Variants in PPP1R1C observed in about 807,000 individuals in gnomAD.
PPP1R1C encodes the protein protein phosphatase 1 regulatory subunit 1C.
In PPP1R1C, 15 loss-of-function variants were observed where a neutral mutation model predicts 17.4. The ratio of observed to expected loss-of-function variants is 0.86; its 90% confidence interval spans 0.58 to 1.33. The LOEUF is 1.33. PPP1R1C is among the 40% of genes most tolerant of loss of function. The pLI, the probability that PPP1R1C is intolerant of heterozygous loss-of-function variation, is 0.00. For missense variants in PPP1R1C, 143 were observed against 130.0 expected, an observed-to-expected ratio of 1.10 and a Z score of -0.48; for synonymous variants, 35 against 43.1, an observed-to-expected ratio of 0.81 and a Z score of 0.73.
chr2:182,129,066 C>T (rs1313777576), exon 6 of PPP1R1C: 1 of 152,140 alleles, frequency 6.6e-6, no homozygotes, highest in African/African-American at 2.4e-5. Flanking sequence ...ACAAACACCA[C>T]CTCCGATTCC....
At position 181,976,099 on chromosome 2, in the gene PPP1R1C, G is replaced by C. The variant is rs1245735840; in HGVS notation, n.157+835G>C. Among the ~76,000 whole-genome samples, 1 of 151,848 alleles carries C rather than the reference G, an allele frequency of 6.6e-6. No homozygotes were observed. The highest frequency in any genetic ancestry group is 1.5e-5 in the Non-Finnish European group (1 of 67,908). On this transcript the variant is annotated intron_variant and non_coding_transcript_variant, in intron 2 of 5. Coordinates refer to the PPP1R1C transcript ENST00000464264. This position sits in a 1 kb window ranked among gnomAD's most constrained non-coding sequence, Gnocchi z 4.8. Reference sequence around the variant, plus strand: ...ATTGTATAACATAGAAAATCATAAAGAGAAAATATATAACCTATAAACTCA... The same window carrying C: ...ATTGTATAACATAGAAAATCATAAACAGAAAATATATAACCTATAAACTCA...
chr2:181,986,224 A>AC, intron 1 of PPP1R1C, 33 bp downstream of exon 1: 2 of 1,478,790 alleles, frequency 1.4e-6, no homozygotes, highest in Non-Finnish European at 1.9e-6. Context: ...CCATTCCTGT[A>AC]CATAAGGTAA....
intron 2 of PPP1R1C, among the ~76,000 whole-genome samples, chr2:182,040,413 G>A (rs1223331579): frequency 6.6e-6 from 1 of 152,114 alleles, no homozygotes; most frequent in Non-Finnish European, 1.5e-5. Context: ...GTGATATTGA[G>A]CATTTTCTTC....
intron 4 of PPP1R1C, among the ~76,000 whole-genome samples, chr2:182,100,390 G>A (rs1574452363): frequency 6.6e-6 from 1 of 151,720 alleles, no homozygotes; most frequent in Middle Eastern, 3.2e-3. Context: ...CGTGCCTGTA[G>A]TCCCAGCTAC....
rs910616518 is a variant in PPP1R1C, at chr2:182,001,895, A to G, written c.142+13996A>G. On this transcript the variant is annotated intron_variant, in intron 2 of 4. Transcript: ENST00000682840. ...CCCTCACCTTATACACAAGGAATCT[A>G]TAGAAACAACTTATTTTTACCCTAC... Among the ~76,000 whole-genome samples the G allele has an allele frequency of 5.3e-5, 8 of 152,270 alleles. No individual in the cohort carries two copies. In the East Asian group the frequency reaches 1.5e-3, roughly 29 times the overall value.
chr2:181,971,706 G>C (rs1299023262), intron 1 of PPP1R1C, among the ~76,000 whole-genome samples: 1 of 152,180 alleles, frequency 6.6e-6, no homozygotes, highest in African/African-American at 2.4e-5. Flanking sequence ...GAGTACTGTA[G>C]GCCATGGTCT....
At chr2:182,077,220 A>G in intron 4 of PPP1R1C, among the ~76,000 whole-genome samples, 1 of 149,752 alleles carries the variant, frequency 6.7e-6, no homozygotes. Flanking sequence ...TGCTACATTA[A>G]ACTGTTTGTT....
intron 2 of PPP1R1C, among the ~76,000 whole-genome samples, chr2:182,039,938 G>C (rs1687131586): frequency 6.6e-6 from 1 of 152,116 alleles, no homozygotes; most frequent in East Asian, 1.9e-4. Flanking sequence ...ACTTCATTCA[G>C]AATAATGGCC....
chr2:182,079,443 T>A (rs1432069822), intron 4 of PPP1R1C, among the ~76,000 whole-genome samples: 1 of 152,116 alleles, frequency 6.6e-6, no homozygotes, highest in African/African-American at 2.4e-5. Flanking sequence ...TATCAGGTAA[T>A]AAAAAATAAT....
intron 2 of PPP1R1C, among the ~76,000 whole-genome samples, chr2:182,058,547 T>A (rs1431465295): frequency 2.0e-5 from 3 of 152,146 alleles, no homozygotes; most frequent in African/African-American, 4.8e-5. Context: ...TGGGAAATTG[T>A]GCTCTCATTT....
intron 2 of PPP1R1C, chr2:182,048,856 T>C (rs961764671): frequency 1.3e-5 from 2 of 152,328 alleles, no homozygotes; most frequent in Non-Finnish European, 2.9e-5. Context: ...GCGCCCCATC[T>C]CATTTGATCT....
intron 2 of PPP1R1C, among the ~76,000 whole-genome samples, chr2:182,008,046 C>A (rs904289734): frequency 6.8e-6 from 1 of 147,846 alleles, no homozygotes; most frequent in South Asian, 2.1e-4. Flanking sequence ...CCGGCCTGGG[C>A]GAAAGAGCGA....
chr2:182,039,835 C>T (rs762092052), intron 2 of PPP1R1C, among the ~76,000 whole-genome samples: 1 of 152,144 alleles, frequency 6.6e-6, no homozygotes, highest in Non-Finnish European at 1.5e-5. Context: ...TCTCCAAAGT[C>T]CATTATTTCA....
At chr2:182,104,206 G>A (rs73040727) in intron 4 of PPP1R1C, among the ~76,000 whole-genome samples, 4 of 152,178 alleles carry the variant, frequency 2.6e-5, no homozygotes, top group African/African-American at 9.6e-5. Context: ...GCTTTTTCTT[G>A]CCTACTTGCT....
In PPP1R1C at chr2:181,962,986, C is replaced by A. The variant is rs1055878251; in HGVS notation, n.111+8352C>A. On this transcript the variant is annotated intron_variant and non_coding_transcript_variant, in intron 1 of 5. Coordinates refer to the PPP1R1C transcript ENST00000464264. The surrounding 1 kb of genome is among the most constrained non-coding windows in gnomAD (Gnocchi z 6.0). Reference sequence around the variant, plus strand: ...AATATACAACACAGAGCAGGGCTGCCGATCCCCAAGACTCTAAATAAAAGT... The same window carrying A: ...AATATACAACACAGAGCAGGGCTGCAGATCCCCAAGACTCTAAATAAAAGT... Among the ~76,000 whole-genome samples the A allele has an allele frequency of 2.0e-5, 3 of 152,040 alleles. No homozygotes were observed. Among genetic ancestry groups the A allele is most frequent in the African/African-American group, 7.2e-5 (3 of 41,392 alleles).
intron 2 of PPP1R1C, among the ~76,000 whole-genome samples, chr2:182,017,019 C>G (rs1021442998): frequency 2.0e-5 from 3 of 152,294 alleles, no homozygotes; most frequent in Non-Finnish European, 2.9e-5. Flanking sequence ...AAATTCATGA[C>G]AGTATATAGT....
At chr2:182,063,695 A>G (rs769979571) in intron 3 of PPP1R1C, 36 bp from the exon 4 acceptor site, 10 of 1,564,276 alleles carry the variant, frequency 6.4e-6, no homozygotes, top group Non-Finnish European at 7.9e-6. Flanking sequence ...TTTGTATCCA[A>G]ATCTAAGGCT....
rs1443205752 is a variant in PPP1R1C, at chr2:182,030,042, G to A, written c.143-31400G>A. 6.1e-5 allele frequency among the ~76,000 whole-genome samples: 7 copies of A among 114,234 alleles called. No individual in the cohort carries two copies. In the East Asian group the frequency reaches 1.7e-3, roughly 28 times the overall value. 74.9% of individuals were successfully genotyped at this position (114,234 alleles called of 152,430 possible). A position where few individuals can be genotyped will look rare whatever the true frequency, so the allele number is the denominator to read the frequency against. On this transcript the variant is annotated intron_variant, in intron 2 of 4. Transcript: ENST00000682840. ...CTTCTGCATTCTTCACGTAGTTCTC[G>A]AGCCTTGGTTTTCAGCTCCATCAGC...
chr2:182,128,406 A>G (rs999291255), intron 5 of PPP1R1C, among the ~76,000 whole-genome samples: 6 of 152,106 alleles, frequency 3.9e-5, no homozygotes, highest in Non-Finnish European at 8.8e-5. Context: ...ATAGAAGATC[A>G]GAGAATCTTG....
Sources: gnomAD v4.1 joint callset for allele counts (sites outside exome capture counted in the v4.1 genomes callset) on GRCh38, gnomAD v4.1.1 for gene constraint, Gnocchi (gnomAD v3.1) non-coding constraint, MANE v1.5 for transcripts, NCBI Gene and HGNC (gene_info 2026-07-23, HGNC 2026-07-21) for gene names.